The following FN3KRP variants were observed in gnomAD, a reference collection of about 807,000 sequenced individuals.
FN3KRP encodes ketosamine-3-kinase.
FN3KRP carries 33 observed loss-of-function variants against 29.8 expected under a neutral mutation model. The observed-to-expected ratio is 1.11, with a 90% CI of 0.84 to 1.48. The LOEUF (loss-of-function observed/expected upper bound fraction) is 1.48. FN3KRP is among the 40% of genes most tolerant of loss of function. The pLI, the probability that FN3KRP is intolerant of heterozygous loss-of-function variation, is 0.00. For synonymous variants in FN3KRP, 157 were observed against 155.2 expected (o/e 1.01, Z -0.09); for missense variants, 430 against 402.6 (o/e 1.07, Z -0.58).
chr17:82,721,703 C>T (rs938174026), intron 3 of FN3KRP, among the ~76,000 whole-genome samples: 4 of 151,786 alleles, frequency 2.6e-5, no homozygotes, highest in South Asian at 2.1e-4. Context: ...AGGGTTTCAC[C>T]GTGTTAGCCG....
intron 3 of FN3KRP, 110 bp downstream of exon 3, chr17:82,720,473 G>C (rs1290765484): frequency 2.7e-6 from 2 of 749,186 alleles, no homozygotes; most frequent in Non-Finnish European, 4.3e-6. Context: ...GACGTGGGCT[G>C]ATGGCAGAGC....
At chr17:82,722,764 C>T in intron 3 of FN3KRP, 40 bp from the exon 4 acceptor site, 1 of 1,598,454 alleles carries the variant, frequency 6.3e-7, no homozygotes. Flanking sequence ...CGCTGGGATC[C>T]CTTGGAACTA....
At chr17:82,726,356 G>A in intron 4 of FN3KRP, 124 bp from the exon 5 acceptor site, 1 of 1,243,764 alleles carries the variant, frequency 8.0e-7, no homozygotes, top group South Asian at 1.4e-5. Context: ...AGGCTCCTGT[G>A]ACTGCCACCC....
At chr17:82,720,883 AG>A (rs1183875955) in intron 3 of FN3KRP, 1 of 153,092 alleles carries the variant, frequency 6.5e-6, no homozygotes, top group Non-Finnish European at 1.5e-5. Context: ...ACAGATCACC[AG>A]GGGCCTGCTG....
Position 82,727,300 on chromosome 17 carries a change from A to G in FN3KRP, c.*129A>G. 1.2e-6 allele frequency: 1 copy of G among 825,640 alleles called. No individual in the cohort carries two copies. The highest frequency in any genetic ancestry group is 1.7e-5 in the African/African-American group (1 of 58,112). 51.1% of individuals were successfully genotyped at this position (825,640 alleles called of 1,614,324 possible). ...AGCTTATTTCCAAGCCTTGCAAAGT[A>G]TATAATATCTAAGAGGAAAGGTTTT... On this transcript the variant is annotated 3_prime_UTR_variant, in exon 6 of 6. Transcript: ENST00000269373.
intron 4 of FN3KRP, among the ~76,000 whole-genome samples, chr17:82,723,292 GTCC>G (rs756705109): frequency 5.9e-5 from 9 of 152,158 alleles, no homozygotes; most frequent in Non-Finnish European, 5.9e-5. Context: ...CTCCTGTCCT[GTCC>G]TCGAGAGGAG....
In FN3KRP at chr17:82,727,066, G is replaced by T. The variant is rs1459595488; in HGVS notation, c.825G>T (p.Lys275Asn). The T allele has an allele frequency of 6.2e-7, 1 of 1,614,176 alleles. No homozygotes were observed. The highest frequency in any genetic ancestry group is 8.5e-7 in the Non-Finnish European group (1 of 1,180,042). ...GKIPKAPGFE[K>N]RLQLYQLFHY... is the part of the protein sequence containing the mutation. ...TCCCCAAGGCCCCAGGATTCGAGAA[G>T]CGCCTTCAGTTGTATCAGCTCTTTC... is the stretch of plus-strand genomic sequence containing the variant. The change falls in exon 6 of 6, where the codon AAG (lysine) becomes AAT (asparagine). Residue 275 changes from lysine (K) to asparagine (N), a missense_variant. Physicochemically the swap from Lys to Asn is moderately conservative, Grantham distance 94. Coordinates refer to ENST00000269373, the MANE Select transcript of FN3KRP (RefSeq NM_024619.4).
Position 82,722,883 on chromosome 17 carries a change from C to A in FN3KRP, c.465C>A (p.Pro155=), listed in dbSNP as rs748074498. The A allele has an allele frequency of 6.2e-7, 1 of 1,613,986 alleles. No homozygotes were observed. The highest frequency in any genetic ancestry group is 1.7e-4 in the Middle Eastern group (1 of 6,052). ...FDVVTCCGYL[P]QVNDWQEDWV... ...TGGTGACGTGCTGTGGATACCTCCCCCAGGTGAGTGCACGGCGTTTGCTTC... is the reference window on the plus strand; with the variant it reads ...TGGTGACGTGCTGTGGATACCTCCCACAGGTGAGTGCACGGCGTTTGCTTC... Residue 155 remains proline, a synonymous_variant, in exon 4 of 6, where the codon CCC becomes CCA. Coordinates refer to ENST00000269373, the MANE Select transcript of FN3KRP (RefSeq NM_024619.4).
In FN3KRP at chr17:82,726,603, G is replaced by A; in HGVS notation, c.591+1G>A. The A allele has an allele frequency of 6.2e-7, 1 of 1,610,694 alleles. No individual in the cohort carries two copies. Among genetic ancestry groups the A allele is most frequent in the African/African-American group, 1.3e-5 (1 of 74,964 alleles). On this transcript the variant is annotated splice_donor_variant, in intron 5 of 5. Transcript: ENST00000269373. LOFTEE classifies it high-confidence loss of function. The stretch of plus-strand genomic sequence containing the variant: ...CCTCCAGCTTTGGTCTGCTCTGCAG[G>A]TGAGTGGGGCCCCACTGCATGCCCA...
At chr17:82,716,955 C>T (rs1269736312) in intron 1 of FN3KRP, 59 bp downstream of exon 1, 1 of 1,517,960 alleles carries the variant, frequency 6.6e-7, no homozygotes, top group Non-Finnish European at 8.8e-7. Flanking sequence ...GGGTCGCGGG[C>T]CTCGGCGCGG....
Position 82,722,606 on chromosome 17 carries a change from T to G in FN3KRP, c.386-198T>G, listed in dbSNP as rs569261201. 14 of 557,586 alleles carry G rather than the reference T, an allele frequency of 2.5e-5. No homozygotes were observed. The African/African-American group carries it at 2.6e-4, about 10-fold the overall frequency. 34.5% of individuals were successfully genotyped at this position (557,586 alleles called of 1,614,324 possible). A position where few individuals can be genotyped will look rare whatever the true frequency, so the allele number is the denominator to read the frequency against. On this transcript the variant is annotated intron_variant, in intron 3 of 5. Coordinates refer to ENST00000269373, the MANE Select transcript of FN3KRP (RefSeq NM_024619.4). ...CTGGAGGCCACAGGCTCCTAGTGTT[T>G]TTGATGCTGACATCTGCTGGAGCAG...
chr17:82,718,983 C>G lies in FN3KRP; in HGVS notation c.219C>G (p.Pro73=). 6.2e-7 allele frequency: 1 copy of G among 1,614,178 alleles called. No homozygotes were observed. Among genetic ancestry groups the G allele is most frequent in the African/African-American group, 1.3e-5 (1 of 75,052 alleles). The change falls in exon 2 of 6, where the codon CCC becomes CCG. Residue 73 remains proline, a synonymous_variant. Transcript: ENST00000269373. ...LKTNTVKVPK[P]IKVLDAPGGG... is the part of the protein sequence containing the mutation. ...CAAACACGGTGAAAGTGCCCAAGCC[C>G]ATCAAGGTTCTGGATGCCCCAGGCG...
intron 5 of FN3KRP, 110 bp downstream of exon 5, chr17:82,726,712 A>C: frequency 6.6e-7 from 1 of 1,513,320 alleles, no homozygotes; most frequent in Non-Finnish European, 8.9e-7. Flanking sequence ...TCTGGGTGGG[A>C]AGCGGGTGCC....
chr17:82,725,847 A>C (rs1442304605), intron 4 of FN3KRP, among the ~76,000 whole-genome samples: 1 of 152,190 alleles, frequency 6.6e-6, no homozygotes. Flanking sequence ...CATCTGATGA[A>C]CTATTGTCAG....
At position 82,716,834 on chromosome 17, in the gene FN3KRP, C is replaced by G. The variant is rs200062745; in HGVS notation, c.79C>G (p.Gln27Glu). 8 of 1,559,130 alleles carry G rather than the reference C, an allele frequency of 5.1e-6. No homozygotes were observed. The Admixed American group carries it at 1.2e-4, about 23-fold the overall frequency. The stretch of plus-strand genomic sequence containing the variant: ...CCACTCGGGGGGCGGGTGCATCAGC[C>G]AGGGCCGGAGCTACGACACGGATCA... Reference protein sequence around the residue: ...TGHSGGGCISQGRSYDTDQGR... With the variant: ...TGHSGGGCISEGRSYDTDQGR... The change falls in exon 1 of 6, where the codon CAG (glutamine) becomes GAG (glutamate). Residue 27 changes from glutamine to glutamate, a missense_variant. Physicochemically the swap from Gln to Glu is conservative, Grantham distance 29. Coordinates refer to ENST00000269373, the MANE Select transcript of FN3KRP (RefSeq NM_024619.4).
Position 82,726,924 on chromosome 17 carries a change from C to T in FN3KRP, c.683C>T (p.Ser228Phe). 1 of 1,612,394 alleles carries T rather than the reference C, an allele frequency of 6.2e-7. No individual in the cohort carries two copies. Among genetic ancestry groups the T allele is most frequent in the Non-Finnish European group, 8.5e-7 (1 of 1,179,016 alleles). Residue 228 changes from serine to phenylalanine, a missense_variant, in exon 6 of 6, where the codon TCT becomes TTT. Transcript: ENST00000269373. ...GGTGGAAACGTAGCAGAGGATTCCT[C>T]TGGGCCGGTGATTTTTGACCCAGCT... Reference protein sequence around the residue: ...LWGGNVAEDSSGPVIFDPASF... With the variant: ...LWGGNVAEDSFGPVIFDPASF...
intron 4 of FN3KRP, among the ~76,000 whole-genome samples, chr17:82,725,353 A>G (rs1423000120): frequency 2.0e-5 from 3 of 151,936 alleles, no homozygotes; most frequent in African/African-American, 7.2e-5. Context: ...GCTGGTCTCA[A>G]ACTCCTGGGC....
In FN3KRP at chr17:82,716,726, C is replaced by T. The variant is rs1277172268; in HGVS notation, c.-30C>T. The T allele has an allele frequency of 6.8e-7, 1 of 1,472,402 alleles. No individual in the cohort carries two copies. Among genetic ancestry groups the T allele is most frequent in the Non-Finnish European group, 8.9e-7 (1 of 1,119,446 alleles). The allele number at this position is 1,472,402 out of a possible 1,614,324, so 91.2% of individuals were successfully genotyped here. Reference sequence around the variant, plus strand: ...GCCGTCTCTCGAGTCTCCGCCAGATCCGGGGCGGGTCCGCGGCCGCGGCGG... The same window carrying T: ...GCCGTCTCTCGAGTCTCCGCCAGATTCGGGGCGGGTCCGCGGCCGCGGCGG... On this transcript the variant is annotated 5_prime_UTR_variant, in exon 1 of 6. Coordinates refer to ENST00000269373, the MANE Select transcript of FN3KRP (RefSeq NM_024619.4).
In FN3KRP at chr17:82,727,657, C is replaced by T. The variant is rs1046896; in HGVS notation, c.*486C>T. On this transcript the variant is annotated 3_prime_UTR_variant, in exon 6 of 6. Coordinates refer to ENST00000269373, the MANE Select transcript of FN3KRP (RefSeq NM_024619.4). Reference sequence around the variant, plus strand: ...AGACATGAAACCATCTTACTAAAAGCGTCTTAAAATGACCAATTCCAGAAT... The same window carrying T: ...AGACATGAAACCATCTTACTAAAAGTGTCTTAAAATGACCAATTCCAGAAT... 47,727 of 154,594 alleles carry T rather than the reference C, an allele frequency of 0.31. 7,677 individuals are homozygous for T. Among genetic ancestry groups the T allele is most frequent in the East Asian group, 0.5 (2,614 of 5,268 alleles). 9.6% of individuals were successfully genotyped at this position (154,594 alleles called of 1,614,324 possible).
Sources: gnomAD v4.1 joint callset for allele counts (sites outside exome capture counted in the v4.1 genomes callset) on GRCh38, gnomAD v4.1.1 for gene constraint, MANE v1.5 for transcripts, NCBI Gene and HGNC (gene_info 2026-07-23, HGNC 2026-07-21) for gene names.